The following RAPGEF5 variants were observed in gnomAD, a reference collection of about 807,000 sequenced individuals.
RAPGEF5 encodes M-Ras-regulated GEF.
In RAPGEF5, 65 loss-of-function variants were observed where a neutral mutation model predicts 125.2. The ratio of observed to expected loss-of-function variants is 0.52; its 90% confidence interval spans 0.43 to 0.64. RAPGEF5 has a LOEUF of 0.64. Among genes scored for constraint, RAPGEF5 ranks in the 30% least tolerant of loss-of-function variants. The pLI is 0.00. For missense variants in RAPGEF5, 958 were observed against 1,048.1 expected, an observed-to-expected ratio of 0.91 and a Z score of 1.19; for synonymous variants, 391 against 385.9, an observed-to-expected ratio of 1.01 and a Z score of -0.16.
At chr7:22,195,848 T>C (rs1360760524) in intron 9 of RAPGEF5, among the ~76,000 whole-genome samples, 1 of 152,246 alleles carries the variant, frequency 6.6e-6, no homozygotes, top group Non-Finnish European at 1.5e-5. Flanking sequence ...CTTTCCCTGG[T>C]TTCCTTTAAT....
At position 22,357,104 on chromosome 7, in the gene RAPGEF5, T is replaced by A. The variant is rs2128391097; in HGVS notation, c.-44A>T. The A allele has an allele frequency of 1.0e-6, 1 of 956,252 alleles. No individual in the cohort carries two copies. Among genetic ancestry groups the A allele is most frequent in the South Asian group, 4.6e-5 (1 of 21,660 alleles). The allele number at this position is 956,252 out of a possible 1,614,324, so 59.2% of individuals were successfully genotyped here. On this transcript the variant is annotated 5_prime_UTR_variant, in exon 1 of 26. Transcript: ENST00000665637. ...CGCCGGGGGCTCCTCTCCACCGCGCTCGCCTCCGCGCGCCGTCCGCGCCTT... is the reference window on the plus strand; with the variant it reads ...CGCCGGGGGCTCCTCTCCACCGCGCACGCCTCCGCGCGCCGTCCGCGCCTT...
At chr7:22,260,721 T>TA (rs1782135325) in intron 7 of RAPGEF5, among the ~76,000 whole-genome samples, 1 of 151,976 alleles carries the variant, frequency 6.6e-6, no homozygotes, top group African/African-American at 2.4e-5. Context: ...AAATACACAT[T>TA]TAAAAAATCC....
At chr7:22,260,526 G>A (rs544733399) in intron 7 of RAPGEF5, among the ~76,000 whole-genome samples, 3 of 123,590 alleles carry the variant, frequency 2.4e-5, no homozygotes, top group African/African-American at 3.3e-5. Context: ...CAGAAATTAG[G>A]ACCAGTAAAA....
chr7:22,167,993 TA>T (rs1784225389), intron 11 of RAPGEF5, among the ~76,000 whole-genome samples: 1 of 152,208 alleles, frequency 6.6e-6, no homozygotes, highest in South Asian at 2.1e-4. Context: ...CTCCTTAACT[TA>T]AAATTCATTT....
intron 8 of RAPGEF5, among the ~76,000 whole-genome samples, chr7:22,228,736 A>G (rs1785983122): frequency 2.0e-5 from 3 of 151,362 alleles, no homozygotes; most frequent in Non-Finnish European, 2.9e-5. Flanking sequence ...GCTGGTCTCA[A>G]ACTCCTGACT....
chr7:22,287,013 G>C (rs574799733), intron 6 of RAPGEF5, among the ~76,000 whole-genome samples: 1 of 152,344 alleles, frequency 6.6e-6, no homozygotes, highest in South Asian at 2.1e-4. Context: ...TATTAGAAAG[G>C]AGGCTAAGCT....
intron 11 of RAPGEF5, among the ~76,000 whole-genome samples, chr7:22,184,711 T>G (rs1784777199): frequency 6.6e-6 from 1 of 152,210 alleles, no homozygotes; most frequent in African/African-American, 2.4e-5. Context: ...CTTGCTTCAT[T>G]AACAACAAGG....
At chr7:22,267,330 T>C (rs1271237903) in intron 6 of RAPGEF5, among the ~76,000 whole-genome samples, 4 of 152,166 alleles carry the variant, frequency 2.6e-5, no homozygotes, top group Non-Finnish European at 4.4e-5. Context: ...TCAGATATAA[T>C]GCAATTATGA....
rs546889430 is a variant in RAPGEF5 at position 22,221,594 on chromosome 7, C to T, written c.871-1603G>A. Among the ~76,000 whole-genome samples, 17 of 152,168 alleles carry T rather than the reference C, an allele frequency of 1.1e-4. 1 individual carries two copies. Among genetic ancestry groups the T allele is most frequent in the South Asian group, 6.2e-4 (3 of 4,806 alleles). On this transcript the variant is annotated intron_variant, in intron 8 of 25. Transcript: ENST00000665637. ...ATTTAATCATAGGGGCAGGATTTTCCGGTGCTATTCTCGTAGTATTGAATA... is the reference window on the plus strand; with the variant it reads ...ATTTAATCATAGGGGCAGGATTTTCTGGTGCTATTCTCGTAGTATTGAATA...
At chr7:22,305,853 T>G (rs549538393) in intron 5 of RAPGEF5, among the ~76,000 whole-genome samples, 1 of 152,318 alleles carries the variant, frequency 6.6e-6, no homozygotes, top group Admixed American at 6.5e-5. Context: ...TGCCCTCCAG[T>G]TCCATCCATG....
intron 7 of RAPGEF5, among the ~76,000 whole-genome samples, chr7:22,255,559 C>T (rs761113194): frequency 6.6e-6 from 1 of 152,032 alleles, no homozygotes; most frequent in Non-Finnish European, 1.5e-5. Context: ...CCACTGCACC[C>T]CAGCCTGGGT....
At position 22,162,441 on chromosome 7, in the gene RAPGEF5, T is replaced by G; in HGVS notation, c.1384A>C (p.Lys462Gln). 1 of 1,600,496 alleles carries G rather than the reference T, an allele frequency of 6.2e-7. No homozygotes were observed. Among genetic ancestry groups the G allele is most frequent in the Non-Finnish European group, 8.6e-7 (1 of 1,167,678 alleles). Residue 462 changes from lysine (K) to glutamine (Q), a missense_variant, in exon 13 of 26, where the codon AAA becomes CAA. Physicochemically the swap from Lys to Gln is moderately conservative, Grantham distance 53. Coordinates refer to ENST00000665637, the MANE Select transcript of RAPGEF5 (RefSeq NM_012294.5). ...HLVSQWIALYKDWLPEDEHSK... is the reference protein window; with the variant it reads ...HLVSQWIALYQDWLPEDEHSK... ...TGTTCATCTTCAGGTAACCAGTCTT[T>G]GTACAGAGCAATCCACTGGGAAACA... is the stretch of plus-strand genomic sequence containing the variant.
rs974657410 is a variant in RAPGEF5, at chr7:22,145,364, C to T, written c.2008-142G>A. On this transcript the variant is annotated intron_variant, in intron 19 of 25. Transcript: ENST00000665637. The stretch of plus-strand genomic sequence containing the variant: ...ACAGAGAACATGGTGAATAGTAATA[C>T]ATTAAATTCAAAATGAGTTAGTTTT... 6.8e-5 allele frequency: 50 copies of T among 740,620 alleles called. No homozygotes were observed. The Middle Eastern group carries it at 1.0e-3, about 15-fold the overall frequency. 45.9% of individuals were successfully genotyped at this position (740,620 alleles called of 1,614,324 possible).
intron 9 of RAPGEF5, among the ~76,000 whole-genome samples, chr7:22,205,005 G>A (rs955236342): frequency 2.0e-5 from 3 of 151,902 alleles, no homozygotes; most frequent in African/African-American, 7.2e-5. Context: ...AGGACAGACT[G>A]GGGGAACAAA....
intron 7 of RAPGEF5, among the ~76,000 whole-genome samples, chr7:22,236,456 G>A (rs2128135446): frequency 6.6e-6 from 1 of 152,258 alleles, no homozygotes; most frequent in Admixed American, 6.5e-5. Context: ...ATTTAATACG[G>A]CGTGAGGACA....
At chr7:22,353,912 G>GA (rs36022234) in intron 1 of RAPGEF5, among the ~76,000 whole-genome samples, 3 of 150,512 alleles carry the variant, frequency 2.0e-5, no homozygotes, top group Non-Finnish European at 3.0e-5. Flanking sequence ...AAAGAAATAG[G>GA]AAAAAAAAAA....
At chr7:22,166,553 C>T (rs1019001270) in intron 12 of RAPGEF5, among the ~76,000 whole-genome samples, 11 of 152,206 alleles carry the variant, frequency 7.2e-5, no homozygotes, top group Non-Finnish European at 1.5e-4. Flanking sequence ...AGAGAGCATG[C>T]AGTGACAAAG....
chr7:22,333,899 G>A (rs536536902), intron 1 of RAPGEF5, among the ~76,000 whole-genome samples: 33 of 152,036 alleles, frequency 2.2e-4, no homozygotes, highest in Non-Finnish European at 4.0e-4. Flanking sequence ...CCAGGGCACG[G>A]CATGGCTTGA....
Position 22,183,951 on chromosome 7 carries a change from C to T in RAPGEF5, c.1204+9416G>A, listed in dbSNP as rs1030786758. The stretch of plus-strand genomic sequence containing the variant: ...GTCATTCTTTCCCCCTCATGTACTC[C>T]TTTTTCCATTTCCTATCTTCAGATC... On this transcript the variant is annotated intron_variant, in intron 11 of 25. Coordinates refer to ENST00000665637, the MANE Select transcript of RAPGEF5 (RefSeq NM_012294.5). Among the ~76,000 whole-genome samples the T allele has an allele frequency of 7.9e-5, 12 of 152,266 alleles. No individual in the cohort carries two copies. In the East Asian group the frequency reaches 2.3e-3, roughly 29 times the overall value.
Sources: gnomAD v4.1 joint callset for allele counts (sites outside exome capture counted in the v4.1 genomes callset) on GRCh38, gnomAD v4.1.1 for gene constraint, MANE v1.5 for transcripts, NCBI Gene and HGNC (gene_info 2026-07-23, HGNC 2026-07-21) for gene names.